MARCHF1: variants seen among roughly 807,000 people sequenced by gnomAD.
MARCHF1 encodes membrane associated ring-CH-type finger 1, also known as E3 ubiquitin-protein ligase MARCHF1.
MARCHF1 carries 40 observed loss-of-function variants against 54.2 expected under a neutral mutation model. The ratio of observed to expected loss-of-function variants is 0.74; its 90% CI spans 0.57 to 0.96. MARCHF1 has a LOEUF of 0.96. Among genes scored for constraint, MARCHF1 ranks in the 40% least tolerant of loss-of-function variants. MARCHF1 has a pLI of 0.00. For synonymous variants in MARCHF1, 236 were observed against 236.3 expected, an observed-to-expected ratio of 1.00 and a Z score of 0.01; for missense variants, 586 against 656.5, an observed-to-expected ratio of 0.89 and a Z score of 1.17.
At chr4:163,888,144 A>G (rs1750579981) in intron 3 of MARCHF1, among the ~76,000 whole-genome samples, 1 of 152,288 alleles carries the variant, frequency 6.6e-6, no homozygotes, top group Non-Finnish European at 1.5e-5. Context: ...TATGTAACAA[A>G]CCTGTACATT....
intron 2 of MARCHF1, among the ~76,000 whole-genome samples, chr4:164,059,565 A>G (rs1270326823): frequency 6.6e-6 from 1 of 152,220 alleles, no homozygotes; most frequent in Non-Finnish European, 1.5e-5. Flanking sequence ...TATAGGAGGC[A>G]TCGCAGCTTT....
Position 163,557,080 on chromosome 4 carries a change from T to G in MARCHF1, c.1192-11337A>C, listed in dbSNP as rs183393219. On this transcript the variant is annotated intron_variant, in intron 8 of 9. Coordinates refer to ENST00000514618, the MANE Select transcript of MARCHF1 (RefSeq NM_001394959.1). ...CTCCCTTGAATTGATTTAATAGCGATAGCAGGGAAGGGTTGGAGGTATACA... is the reference window on the plus strand; with the variant it reads ...CTCCCTTGAATTGATTTAATAGCGAGAGCAGGGAAGGGTTGGAGGTATACA... 1.1e-3 allele frequency among the ~76,000 whole-genome samples: 168 copies of G among 152,328 alleles called. 2 individuals carry two copies. The highest frequency in any genetic ancestry group is 3.7e-3 in the African/African-American group (152 of 41,572).
At chr4:164,271,084 T>C (rs150571878) in intron 1 of MARCHF1, among the ~76,000 whole-genome samples, 3,593 of 152,244 alleles carry the variant, frequency 0.024, 149 homozygotes, top group East Asian at 0.15. Context: ...TTGGATGTCA[T>C]TAGAAATCAG....
intron 3 of MARCHF1, among the ~76,000 whole-genome samples, chr4:163,937,642 G>A (rs1302520517): frequency 6.6e-6 from 1 of 152,038 alleles, no homozygotes; most frequent in Non-Finnish European, 1.5e-5. Flanking sequence ...TGACATATTT[G>A]GAGTAGTGAC....
intron 1 of MARCHF1, among the ~76,000 whole-genome samples, chr4:164,336,003 A>C (rs1729730676): frequency 6.6e-6 from 1 of 152,206 alleles, no homozygotes; most frequent in Non-Finnish European, 1.5e-5. Flanking sequence ...TAGCTGTGGA[A>C]AGAACAGAAT....
rs774153100 is a variant in MARCHF1, at chr4:164,063,084, G to A, written c.-248+48504C>T. Among the ~76,000 whole-genome samples, 86 of 152,252 alleles carry A rather than the reference G, an allele frequency of 5.6e-4. 1 individual carries two copies. The highest frequency in any genetic ancestry group is 9.1e-4 in the Non-Finnish European group (62 of 68,016). ...AACCCAGGCTGCAAACAGATGTGCC[G>A]CCATCCAGGCTTTGTTGTTCCATTT... is the stretch of plus-strand genomic sequence containing the variant. On this transcript the variant is annotated intron_variant, in intron 2 of 9. Transcript: ENST00000514618.
intron 1 of MARCHF1, among the ~76,000 whole-genome samples, chr4:164,162,109 C>G (rs115486621): frequency 3.9e-5 from 6 of 152,144 alleles, no homozygotes; most frequent in Admixed American, 1.3e-4. Flanking sequence ...TGCTATCAGA[C>G]AGCATATAAA....
intron 4 of MARCHF1, among the ~76,000 whole-genome samples, chr4:163,812,842 G>T (rs929554989): frequency 2.6e-5 from 4 of 152,048 alleles, no homozygotes; most frequent in African/African-American, 9.7e-5. Context: ...ATTTTTGTTT[G>T]TTATTTGATT....
intron 3 of MARCHF1, among the ~76,000 whole-genome samples, chr4:163,897,371 C>G (rs1192236117): frequency 2.0e-5 from 3 of 152,130 alleles, no homozygotes; most frequent in African/African-American, 7.2e-5. Context: ...TTATTATAAT[C>G]ACTTTCTTCC....
At chr4:164,119,524 A>G (rs749903031) in intron 1 of MARCHF1, among the ~76,000 whole-genome samples, 1 of 151,638 alleles carries the variant, frequency 6.6e-6, no homozygotes, top group Non-Finnish European at 1.5e-5. Context: ...AAAAGTAAAG[A>G]TAACACAAAA....
chr4:164,357,569 T>C (rs1730598681), intron 1 of MARCHF1, among the ~76,000 whole-genome samples: 1 of 152,164 alleles, frequency 6.6e-6, no homozygotes, highest in Non-Finnish European at 1.5e-5. Context: ...GAGGGTGTAA[T>C]TCAGTCTACC....
At chr4:163,867,915 C>T (rs1750089130) in intron 3 of MARCHF1, among the ~76,000 whole-genome samples, 1 of 149,318 alleles carries the variant, frequency 6.7e-6, no homozygotes, top group African/African-American at 2.5e-5. Context: ...CATACTCTCA[C>T]ACTTGTGGAC....
intron 1 of MARCHF1, among the ~76,000 whole-genome samples, chr4:164,145,718 C>T (rs975266013): frequency 6.7e-6 from 1 of 149,944 alleles, no homozygotes; most frequent in African/African-American, 2.5e-5. Flanking sequence ...CAATATCATA[C>T]TGAATGGGCA....
intron 4 of MARCHF1, among the ~76,000 whole-genome samples, chr4:163,847,043 C>T (rs562702828): frequency 2.6e-5 from 4 of 152,064 alleles, no homozygotes; most frequent in Non-Finnish European, 5.9e-5. Context: ...TGCTTTCATC[C>T]GTACTATTGA....
intron 1 of MARCHF1, among the ~76,000 whole-genome samples, chr4:164,174,668 G>A (rs531728137): frequency 6.6e-6 from 1 of 152,118 alleles, no homozygotes; most frequent in African/African-American, 2.4e-5. Flanking sequence ...TTTTTCTATT[G>A]GGTTAAAGGT....
chr4:163,702,202 T>G (rs1744830349), intron 4 of MARCHF1, among the ~76,000 whole-genome samples: 1 of 152,304 alleles, frequency 6.6e-6, no homozygotes, highest in African/African-American at 2.4e-5. Context: ...TACGGTTAGT[T>G]ACAGCTCATA....
chr4:164,072,519 C>G (rs1173848299), intron 2 of MARCHF1, among the ~76,000 whole-genome samples: 1 of 151,898 alleles, frequency 6.6e-6, no homozygotes, highest in Admixed American at 6.6e-5. Context: ...CAGGATTATG[C>G]CACCACACGC....
chr4:164,159,656 T>C (rs1318150130), intron 1 of MARCHF1, among the ~76,000 whole-genome samples: 3 of 152,182 alleles, frequency 2.0e-5, no homozygotes, highest in Non-Finnish European at 4.4e-5. Context: ...CAGGTGATAC[T>C]TGTAAATTTG....
intron 4 of MARCHF1, among the ~76,000 whole-genome samples, chr4:163,828,020 C>T (rs1487913195): frequency 2.6e-5 from 2 of 77,678 alleles, no homozygotes; most frequent in African/African-American, 7.5e-5. Context: ...GGCATACACA[C>T]ACACACACAC....
Sources: allele counts gnomAD v4.1 joint callset (sites outside exome capture counted in the v4.1 genomes callset), GRCh38; gene constraint gnomAD v4.1.1; transcripts MANE v1.5; gene names NCBI Gene and HGNC (gene_info 2026-07-23, HGNC 2026-07-21).